The following ZP4 variants were observed in gnomAD, a reference collection of about 807,000 sequenced individuals.
ZP4 encodes zona pellucida sperm-binding protein 4.
ZP4 carries 62 observed loss-of-function variants against 62.3 expected under a neutral mutation model. The observed-to-expected ratio is 0.99, with a 90% confidence interval of 0.81 to 1.23. The LOEUF (loss-of-function observed/expected upper bound fraction) is 1.23. Among genes scored for constraint, ZP4 ranks in the 50% most tolerant of loss-of-function variants. ZP4 has a pLI of 0.00. For synonymous variants in ZP4, 289 were observed against 247.3 expected (o/e 1.17, Z -1.58); for missense variants, 774 against 656.0 (o/e 1.18, Z -1.97).
chr1:237,887,474 C>T lies in ZP4; in HGVS notation c.641G>A (p.Arg214His), dbSNP rs539530438. 105 of 1,614,172 alleles carry T rather than the reference C, an allele frequency of 6.5e-5. No individual in the cohort carries two copies. The highest frequency in any genetic ancestry group is 3.2e-4 in the South Asian group (29 of 91,082). The change falls in exon 5 of 12, where the codon CGC (arginine) becomes CAC (histidine). Residue 214 changes from arginine to histidine, a missense_variant. Coordinates refer to ENST00000366570, the MANE Select transcript of ZP4 (RefSeq NM_021186.5). ...CGCACTGTCATTCCTAAGGGCCAAG[C>T]GCACAGAATCCAAGAGCAGTGGTGG... ...TSPPLLLDSV[R>H]LALRNDSACN...
rs373494085 is a variant in ZP4, at chr1:237,888,355, C to T, written c.553+3G>A. On this transcript the variant is annotated splice_donor_region_variant and intron_variant, in intron 4 of 11. Transcript: ENST00000366570. ...GGTTTCAGAGGTGTGCTCACTTACT[C>T]ACCAGTGTTTCCATAGTAGCAGGAA... 211 of 1,573,744 alleles carry T rather than the reference C, an allele frequency of 1.3e-4. 1 individual carries two copies. In the South Asian group the frequency reaches 2.2e-3, roughly 17 times the overall value.
In ZP4 at chr1:237,885,395, T is replaced by G. The variant is rs751941597; in HGVS notation, c.1156A>C (p.Lys386Gln). ...LSQPQWPILV[K>Q]GCPYIGDNYQ... Reference sequence around the variant, plus strand: ...GTGTATGAAAGAACCACTTACCCCTTTACCAGGATGGGCCACTGTGGCTGA... The same window carrying G: ...GTGTATGAAAGAACCACTTACCCCTGTACCAGGATGGGCCACTGTGGCTGA... The change falls in exon 8 of 12, where the codon AAG becomes CAG. Residue 386 changes from lysine to glutamine, a missense_variant. By Grantham distance (53) the Lys-to-Gln change is moderately conservative. Coordinates refer to ENST00000366570, the MANE Select transcript of ZP4 (RefSeq NM_021186.5). 1 of 1,611,200 alleles carries G rather than the reference T, an allele frequency of 6.2e-7. No individual in the cohort carries two copies. The highest frequency in any genetic ancestry group is 1.1e-5 in the South Asian group (1 of 90,706).
chr1:237,884,017 A>AACAC lies in ZP4; in HGVS notation c.1390+748_1390+751dup, dbSNP rs142971801. Among the ~76,000 whole-genome samples, 99 of 87,974 alleles carry AACAC rather than the reference A, an allele frequency of 1.1e-3. 1 individual carries two copies. The highest frequency in any genetic ancestry group is 2.0e-3 in the African/African-American group (41 of 20,694). The allele number at this position is 87,974 out of a possible 152,430, so 57.7% of individuals were successfully genotyped here. ...ACACACACACACACACACACACACAAACACACACACACACAAACACACACA... is the reference window on the plus strand; with the variant it reads ...ACACACACACACACACACACACACAAACACACACACACACACACAAACACACACA... On this transcript the variant is annotated intron_variant, in intron 10 of 11. Transcript: ENST00000366570.
At position 237,887,580 on chromosome 1, in the gene ZP4, GCTGAAGGCAGGTCATCTCTCC is replaced by G; in HGVS notation, c.554-40_554-20del. On this transcript the variant is annotated intron_variant, in intron 4 of 11. Transcript: ENST00000366570. ...AAGGTCACTGAAACAGAGCAGCTGT[GCTGAAGGCAGGTCATCTCTCC>G]CATTGTGGGGAGAACCAGATGAAAG... is the stretch of plus-strand genomic sequence containing the variant. The G allele has an allele frequency of 6.2e-7, 1 of 1,607,000 alleles. No homozygotes were observed. The highest frequency in any genetic ancestry group is 1.7e-4 in the Middle Eastern group (1 of 5,796).
Position 237,883,728 on chromosome 1 carries a change from G to GAGAGA in ZP4, c.1391-883_1391-882insTCTCT, listed in dbSNP as rs1558530153. Among the ~76,000 whole-genome samples, 9 of 19,212 alleles carry GAGAGA rather than the reference G, an allele frequency of 4.7e-4. 1 individual carries two copies. The highest frequency in any genetic ancestry group is 5.2e-3 in the East Asian group (1 of 194). 12.6% of individuals were successfully genotyped at this position (19,212 alleles called of 152,430 possible). Reference sequence around the variant, plus strand: ...GCGGGGGAGGGCGGGGGAGGGCGGGGGAGGGAGAGAGAGGGAGAGAGAGGG... The same window carrying GAGAGA: ...GCGGGGGAGGGCGGGGGAGGGCGGGGAGAGAGAGGGAGAGAGAGGGAGAGAGAGGG... On this transcript the variant is annotated intron_variant, in intron 10 of 11. Coordinates refer to ENST00000366570, the MANE Select transcript of ZP4 (RefSeq NM_021186.5).
intron 4 of ZP4, among the ~76,000 whole-genome samples, 178 bp from the exon 5 acceptor site, chr1:237,887,739 G>T (rs1340118624): frequency 6.6e-6 from 1 of 152,156 alleles, no homozygotes; most frequent in Non-Finnish European, 1.5e-5. Context: ...AAATGATCTG[G>T]GGTTGAGTCT....
rs1558530094 is a variant in ZP4, at chr1:237,883,714, CGGGGGAGGGCGGGGGAGGGA to C, written c.1391-888_1391-869del. ...GAGGGCGGGGGAGGGCGGGGGAGGGCGGGGGAGGGCGGGGGAGGGAGAGAGAGGGAGAGAGAGGGAGAGAG... is the reference window on the plus strand; with the variant it reads ...GAGGGCGGGGGAGGGCGGGGGAGGGCGAGAGAGGGAGAGAGAGGGAGAGAG... On this transcript the variant is annotated intron_variant, in intron 10 of 11. Coordinates refer to ENST00000366570, the MANE Select transcript of ZP4 (RefSeq NM_021186.5). 5.1e-3 allele frequency among the ~76,000 whole-genome samples: 44 copies of C among 8,684 alleles called. 1 individual carries two copies. The highest frequency in any genetic ancestry group is 9.1e-3 in the Non-Finnish European group (35 of 3,842). 5.7% of individuals were successfully genotyped at this position (8,684 alleles called of 152,430 possible). A position where few individuals can be genotyped will look rare whatever the true frequency, so the allele number is the denominator to read the frequency against.
At chr1:237,883,993 C>A (rs199782962) in intron 10 of ZP4, among the ~76,000 whole-genome samples, 20,288 of 80,690 alleles carry the variant, frequency 0.25, 2,367 homozygotes, top group Middle Eastern at 0.41. Flanking sequence ...AACACACACA[C>A]ACACACACAC....
Position 237,882,647 on chromosome 1 carries a change from T to A in ZP4, c.1495+95A>T. The A allele has an allele frequency of 1.9e-6, 3 of 1,572,112 alleles. No homozygotes were observed. In the Admixed American group the frequency reaches 5.7e-5, roughly 30 times the overall value. On this transcript the variant is annotated intron_variant, in intron 11 of 11. Coordinates refer to ENST00000366570, the MANE Select transcript of ZP4 (RefSeq NM_021186.5). Reference sequence around the variant, plus strand: ...AGTCTTCTGCTATAGGAAGGTCAATTTCTTTTGACTAGAACAAGAGGGATA... The same window carrying A: ...AGTCTTCTGCTATAGGAAGGTCAATATCTTTTGACTAGAACAAGAGGGATA...
intron 5 of ZP4, 65 bp downstream of exon 5, chr1:237,887,309 C>G: frequency 1.9e-6 from 3 of 1,559,696 alleles, no homozygotes; most frequent in Non-Finnish European, 2.6e-6. Flanking sequence ...TTCAGCTCTC[C>G]CCCACTAGTC....
chr1:237,888,244 T>C, intron 4 of ZP4, 114 bp downstream of exon 4: 1 of 1,152,900 alleles, frequency 8.7e-7, no homozygotes, highest in Non-Finnish European at 1.2e-6. Flanking sequence ...GATGCATGGC[T>C]ACATGGCAGC....
Position 237,888,358 on chromosome 1 carries a change from C to T in ZP4, c.553G>A (p.Val185Met). The T allele has an allele frequency of 6.4e-7, 1 of 1,574,586 alleles. No homozygotes were observed. The highest frequency in any genetic ancestry group is 1.1e-5 in the South Asian group (1 of 87,002). Residue 185 changes from valine (V) to methionine (M), a missense_variant and splice_region_variant, in exon 4 of 12, where the codon GTG (valine) becomes ATG (methionine). Val to Met is a conservative substitution (Grantham distance 21, BLOSUM62 1). Transcript: ENST00000366570. ...EVNSCYYGNT[V>M]TLHCTREGHF... ...TTCAGAGGTGTGCTCACTTACTCAC[C>T]AGTGTTTCCATAGTAGCAGGAATTC...
chr1:237,887,343 C>A (rs780907566), intron 5 of ZP4, 31 bp downstream of exon 5: 1 of 1,606,078 alleles, frequency 6.2e-7, no homozygotes, highest in Non-Finnish European at 8.5e-7. Flanking sequence ...CACCCAACTT[C>A]CAGAGCCAGG....
In ZP4 at chr1:237,890,672, C is replaced by T. The variant is rs200962497; in HGVS notation, c.-37G>A. ...GAGTTCCTGCCGGCTGCAGACTCTCCGCCTCCTCTCCCAAGAGCCGAGGGT... is the reference window on the plus strand; with the variant it reads ...GAGTTCCTGCCGGCTGCAGACTCTCTGCCTCCTCTCCCAAGAGCCGAGGGT... On this transcript the variant is annotated 5_prime_UTR_variant, in exon 1 of 12. Transcript: ENST00000366570. 17 of 1,593,136 alleles carry T rather than the reference C, an allele frequency of 1.1e-5. No individual in the cohort carries two copies. The highest frequency in any genetic ancestry group is 8.1e-5 in the African/African-American group (6 of 74,500).
chr1:237,882,890 C>T (rs753881081), intron 10 of ZP4, 44 bp from the exon 11 acceptor site: 20 of 1,546,874 alleles, frequency 1.3e-5, no homozygotes, highest in Non-Finnish European at 1.7e-5. Context: ...TTTTTGCACA[C>T]ATAGGGCAGG....
In ZP4 at chr1:237,883,957, CACACACACAA is replaced by C. The variant is rs1165440719; in HGVS notation, c.1390+802_1390+811del. On this transcript the variant is annotated intron_variant, in intron 10 of 11. Coordinates refer to ENST00000366570, the MANE Select transcript of ZP4 (RefSeq NM_021186.5). Reference sequence around the variant, plus strand: ...CCTGCATGACAGAGCAAGAACTGGTCACACACACAAACACACACACACACAAACACACACA... The same window carrying C: ...CCTGCATGACAGAGCAAGAACTGGTCACACACACACACACAAACACACACA... Among the ~76,000 whole-genome samples the C allele has an allele frequency of 4.4e-3, 467 of 106,122 alleles. 3 individuals carry two copies. Among genetic ancestry groups the C allele is most frequent in the African/African-American group, 0.017 (400 of 22,976 alleles). 69.6% of individuals were successfully genotyped at this position (106,122 alleles called of 152,430 possible). A position where few individuals can be genotyped will look rare whatever the true frequency, so the allele number is the denominator to read the frequency against.
intron 10 of ZP4, among the ~76,000 whole-genome samples, chr1:237,883,987 C>CACACACACACACACACAA (rs1665015037): frequency 1.1e-4 from 4 of 36,462 alleles, no homozygotes; most frequent in African/African-American, 2.9e-4. Context: ...CACACAAACA[C>CACACACACACACACACAA]ACACACACAC....
intron 10 of ZP4, among the ~76,000 whole-genome samples, chr1:237,883,970 AC>A (rs1253055430): frequency 2.5e-4 from 15 of 58,886 alleles, no homozygotes; most frequent in Admixed American, 3.5e-4. Flanking sequence ...ACACACAAAC[AC>A]ACACACACAC....
chr1:237,886,570 T>C (rs1174896231), intron 6 of ZP4, among the ~76,000 whole-genome samples: 1 of 152,142 alleles, frequency 6.6e-6, no homozygotes, highest in African/African-American at 2.4e-5. Flanking sequence ...ATAGCAGAAC[T>C]CCAGGTGAGC....
Sources: allele counts gnomAD v4.1 joint callset (sites outside exome capture counted in the v4.1 genomes callset), GRCh38; gene constraint gnomAD v4.1.1; transcripts MANE v1.5; gene names NCBI Gene and HGNC (gene_info 2026-07-23, HGNC 2026-07-21).